The following TECRL variants were observed in gnomAD, a reference collection of about 807,000 sequenced individuals.
TECRL encodes the protein trans-2,3-enoyl-CoA reductase like, also known as trans-2,3-enoyl-CoA reductase-like.
Under a neutral mutation model 52.8 loss-of-function variants are expected in TECRL, and 63 were observed. The observed-to-expected ratio is 1.19, with a 90% confidence interval of 0.97 to 1.47. The LOEUF is 1.47. TECRL is among the 40% of genes most tolerant of loss of function. The pLI is 0.00. For synonymous variants in TECRL, 164 were observed against 141.9 expected, an observed-to-expected ratio of 1.16 and a Z score of -1.10; for missense variants, 482 against 429.6, an observed-to-expected ratio of 1.12 and a Z score of -1.08.
rs187280220 is a variant in TECRL at position 64,333,432 on chromosome 4, C to T, written c.287-4876G>A. On this transcript the variant is annotated intron_variant, in intron 2 of 11. Coordinates refer to ENST00000381210, the MANE Select transcript of TECRL (RefSeq NM_001010874.5). Reference sequence around the variant, plus strand: ...AAAAGAAGTTGATTTCAAGAGAAAGCGATGAGATGATGAAATAAATAAAAC... The same window carrying T: ...AAAAGAAGTTGATTTCAAGAGAAAGTGATGAGATGATGAAATAAATAAAAC... 6.6e-5 allele frequency among the ~76,000 whole-genome samples: 10 copies of T among 152,030 alleles called. No homozygotes were observed. The East Asian group carries it at 7.7e-4, about 12-fold the overall frequency.
intron 2 of TECRL, among the ~76,000 whole-genome samples, chr4:64,345,410 TGA>T (rs1305127662): frequency 2.6e-5 from 4 of 151,824 alleles, no homozygotes; most frequent in Non-Finnish European, 5.9e-5. Context: ...GGGACATGGA[TGA>T]AGCTGGAAAC....
chr4:64,383,467 G>A (rs1418970441), intron 1 of TECRL, among the ~76,000 whole-genome samples: 3 of 151,368 alleles, frequency 2.0e-5, no homozygotes, highest in Non-Finnish European at 4.4e-5. Flanking sequence ...TTTTCTTTTT[G>A]TCTGTCTGTG....
At chr4:64,322,633 A>T in intron 4 of TECRL, 56 bp downstream of exon 4, 1 of 1,253,024 alleles carries the variant, frequency 8.0e-7, no homozygotes, top group Non-Finnish European at 1.1e-6. Flanking sequence ...ATCTGTCAAT[A>T]AATTATTTAG....
chr4:64,405,240 G>A (rs561000395), intron 1 of TECRL, among the ~76,000 whole-genome samples: 48 of 152,198 alleles, frequency 3.2e-4, no homozygotes, highest in African/African-American at 1.1e-3. Context: ...TAGTTTTGAG[G>A]AGCAAATGAT....
At position 64,409,170 on chromosome 4, in the gene TECRL, T is replaced by A. The variant is rs200634401; in HGVS notation, c.182A>T (p.Glu61Val). 3.5e-5 allele frequency: 56 copies of A among 1,613,644 alleles called. No individual in the cohort carries two copies. The African/African-American group carries it at 6.3e-4, about 18-fold the overall frequency. The change falls in exon 1 of 12, where the codon GAG becomes GTG. Residue 61 changes from glutamate (E) to valine (V), a missense_variant. Physicochemically the swap from Glu to Val is moderately radical, Grantham distance 121. Transcript: ENST00000381210. ...TGTTTGAGCATCAAATATTTCAATCTCAAAGTGAGTCGTTTTTGAATGTTT... is the reference window on the plus strand; with the variant it reads ...TGTTTGAGCATCAAATATTTCAATCACAAAGTGAGTCGTTTTTGAATGTTT... ...AVKHSKTTHF[E>V]IEIFDAQTRK... is the part of the protein sequence containing the mutation.
chr4:64,316,498 G>T (rs2110016091), intron 4 of TECRL, among the ~76,000 whole-genome samples: 1 of 152,136 alleles, frequency 6.6e-6, no homozygotes, highest in South Asian at 2.1e-4. Context: ...GAAGAAAGGG[G>T]AAAAGACGAT....
chr4:64,377,534 C>A (rs965229585), intron 1 of TECRL, among the ~76,000 whole-genome samples: 2 of 151,984 alleles, frequency 1.3e-5, no homozygotes, highest in African/African-American at 4.8e-5. Context: ...TGGGAGTTAT[C>A]TGAAACCCTA....
chr4:64,320,295 T>G (rs1717810321), intron 4 of TECRL, among the ~76,000 whole-genome samples: 1 of 151,934 alleles, frequency 6.6e-6, no homozygotes, highest in Admixed American at 6.6e-5. Flanking sequence ...ATTAGATTAT[T>G]TCCCTATTAT....
chr4:64,359,324 TGAC>T lies in TECRL; in HGVS notation c.286+15845_286+15847del, dbSNP rs1721009197. Among the ~76,000 whole-genome samples, 3 of 152,040 alleles carry T rather than the reference TGAC, an allele frequency of 2.0e-5. No individual in the cohort carries two copies. The South Asian group carries it at 6.2e-4, about 31-fold the overall frequency. On this transcript the variant is annotated intron_variant, in intron 2 of 11. Transcript: ENST00000381210. Reference sequence around the variant, plus strand: ...ATTGAGAACATTCTTTAGAATATGATGACTACTTTTTCTCACCATCCAGATATC... The same window carrying T: ...ATTGAGAACATTCTTTAGAATATGATTACTTTTTCTCACCATCCAGATATC...
Position 64,409,372 on chromosome 4 carries a change from T to C in TECRL, c.-21A>G, listed in dbSNP as rs1724957275. 6.2e-7 allele frequency: 1 copy of C among 1,605,674 alleles called. No homozygotes were observed. The highest frequency in any genetic ancestry group is 1.1e-5 in the South Asian group (1 of 90,366). On this transcript the variant is annotated 5_prime_UTR_variant, in exon 1 of 12. Transcript: ENST00000381210. The stretch of plus-strand genomic sequence containing the variant: ...AACATTGTGTGAACTAAGAGGAGGG[T>C]CTGTCATGTCAAAAGTAGAAAATTG...
chr4:64,383,020 A>G (rs1026866765), intron 1 of TECRL, among the ~76,000 whole-genome samples: 3 of 151,986 alleles, frequency 2.0e-5, no homozygotes, highest in Admixed American at 1.3e-4. Flanking sequence ...GAAATGCCTT[A>G]TTTGTCCTTG....
At chr4:64,379,243 CACAT>C (rs1252339013) in intron 1 of TECRL, among the ~76,000 whole-genome samples, 20 of 80,820 alleles carry the variant, frequency 2.5e-4, no homozygotes, top group South Asian at 5.8e-4. Context: ...CACACACACA[CACAT>C]ACACACACAC....
chr4:64,311,221 A>G (rs1408030909), intron 5 of TECRL, among the ~76,000 whole-genome samples: 1 of 152,226 alleles, frequency 6.6e-6, no homozygotes, highest in East Asian at 1.9e-4. Flanking sequence ...CAGCAAATTT[A>G]TCATTATTCA....
chr4:64,288,203 A>C (rs1286454934), intron 9 of TECRL, among the ~76,000 whole-genome samples: 1 of 152,034 alleles, frequency 6.6e-6, no homozygotes, highest in East Asian at 1.9e-4. Context: ...AGTGGAGACA[A>C]CTCACAACAT....
intron 3 of TECRL, among the ~76,000 whole-genome samples, chr4:64,325,567 T>A (rs1280482338): frequency 6.6e-6 from 1 of 152,134 alleles, no homozygotes; most frequent in Non-Finnish European, 1.5e-5. Flanking sequence ...GTAAATTTGT[T>A]ACATAGCAAT....
intron 2 of TECRL, among the ~76,000 whole-genome samples, chr4:64,374,079 A>ATATATATATATATATATATT (rs1343885987): frequency 0.018 from 1,757 of 96,158 alleles, 19 homozygotes; most frequent in Middle Eastern, 0.037. Flanking sequence ...ATATATATAT[A>ATATATATATATATATATATT]TATTTATCTT....
intron 2 of TECRL, among the ~76,000 whole-genome samples, chr4:64,354,220 A>C (rs2109585130): frequency 6.6e-6 from 1 of 152,306 alleles, no homozygotes; most frequent in East Asian, 1.9e-4. Flanking sequence ...AAATTTTGAT[A>C]AAAGAACAAT....
chr4:64,347,707 G>A (rs375383169), intron 2 of TECRL, among the ~76,000 whole-genome samples: 1 of 152,104 alleles, frequency 6.6e-6, no homozygotes, highest in South Asian at 2.1e-4. Flanking sequence ...GAACAGCAAG[G>A]AGGAAACGGC....
chr4:64,365,513 TAATA>T (rs373888773), intron 2 of TECRL, among the ~76,000 whole-genome samples: 183 of 152,210 alleles, frequency 1.2e-3, no homozygotes, highest in African/African-American at 4.2e-3. Flanking sequence ...CTCCTAGAAT[TAATA>T]AACCACCTCA....
Sources: allele counts gnomAD v4.1 joint callset (sites outside exome capture counted in the v4.1 genomes callset), GRCh38; gene constraint gnomAD v4.1.1; transcripts MANE v1.5; gene names NCBI Gene and HGNC (gene_info 2026-07-23, HGNC 2026-07-21).